Variants in QTMAN observed in about 807,000 individuals in gnomAD.
QTMAN encodes queuosine-tRNA mannosyltransferase.
chr2:144,122,753 T>C, the QTMAN span, among the ~76,000 whole-genome samples: 1 of 152,218 alleles, frequency 6.6e-6, no homozygotes, highest in Non-Finnish European at 1.5e-5. Context: ...CAGTGGTCCT[T>C]AACCTGGGAA....
chr2:144,300,504 T>C, the QTMAN span, among the ~76,000 whole-genome samples: 2 of 152,190 alleles, frequency 1.3e-5, no homozygotes, highest in African/African-American at 4.8e-5. Context: ...TCTAAGTGGT[T>C]TTAGAAGCAA....
At chr2:144,079,399 A>G in the QTMAN span, among the ~76,000 whole-genome samples, 1 of 152,174 alleles carries the variant, frequency 6.6e-6, no homozygotes, top group Non-Finnish European at 1.5e-5. Context: ...ATGTTAAACT[A>G]GATCATATGC....
At chr2:144,305,720 C>A in the QTMAN span, among the ~76,000 whole-genome samples, 1 of 152,152 alleles carries the variant, frequency 6.6e-6, no homozygotes, top group African/African-American at 2.4e-5. Context: ...TCATCTAGAT[C>A]CATGAACATG....
At chr2:144,281,513 G>A in the QTMAN span, among the ~76,000 whole-genome samples, 1 of 150,888 alleles carries the variant, frequency 6.6e-6, no homozygotes. Flanking sequence ...CTGAACTATA[G>A]TAGTGGTGTT....
At chr2:144,276,788 T>A in the QTMAN span, among the ~76,000 whole-genome samples, 2 of 152,180 alleles carry the variant, frequency 1.3e-5, no homozygotes, top group Non-Finnish European at 2.9e-5. Flanking sequence ...CATGGCCTAA[T>A]ACCTCCCATC....
At chr2:144,037,139 T>C in the QTMAN span, among the ~76,000 whole-genome samples, 1 of 152,184 alleles carries the variant, frequency 6.6e-6, no homozygotes, top group Non-Finnish European at 1.5e-5. Context: ...ATTTAATAGG[T>C]AAGCAGTTTT....
At chr2:143,969,551 G>A in the QTMAN span, among the ~76,000 whole-genome samples, 1 of 152,112 alleles carries the variant, frequency 6.6e-6, no homozygotes, top group Non-Finnish European at 1.5e-5. Flanking sequence ...GTGCTTGTGT[G>A]CATACGCGTG....
At chr2:144,328,633 T>C in the QTMAN span, among the ~76,000 whole-genome samples, 2 of 152,156 alleles carry the variant, frequency 1.3e-5, no homozygotes, top group Non-Finnish European at 2.9e-5. Flanking sequence ...AAGAAACTGA[T>C]CTGGCAGTGA....
At chr2:144,121,798 A>G in the QTMAN span, among the ~76,000 whole-genome samples, 1 of 152,144 alleles carries the variant, frequency 6.6e-6, no homozygotes, top group South Asian at 2.1e-4. Context: ...GTTTTCAAAT[A>G]CCCATGCCAA....
chr2:144,079,203 G>A, the QTMAN span, among the ~76,000 whole-genome samples: 1 of 152,100 alleles, frequency 6.6e-6, no homozygotes, highest in Non-Finnish European at 1.5e-5. Context: ...TATTTGGCAA[G>A]CACATAGTGC....
At chr2:144,289,220 C>T in the QTMAN span, among the ~76,000 whole-genome samples, 275 of 152,006 alleles carry the variant, frequency 1.8e-3, 1 homozygote, top group African/African-American at 6.2e-3. Context: ...TTAATAGAGA[C>T]GGGGTTTCAC....
At chr2:144,203,265 G>A in the QTMAN span, among the ~76,000 whole-genome samples, 2 of 152,156 alleles carry the variant, frequency 1.3e-5, no homozygotes, top group Admixed American at 6.5e-5. Context: ...GACAGAAAGA[G>A]GCAGGGACTG....
At chr2:144,142,157 C>T in the QTMAN span, 1 of 721,420 alleles carries the variant, frequency 1.4e-6, no homozygotes, top group Non-Finnish European at 2.2e-6. Context: ...TTATACTACA[C>T]CTTAGGTTTG....
chr2:144,288,629 A>G, the QTMAN span, among the ~76,000 whole-genome samples: 1 of 152,226 alleles, frequency 6.6e-6, no homozygotes, highest in Non-Finnish European at 1.5e-5. Context: ...TTCCTACTAC[A>G]GAGAAATGTT....
chr2:144,244,091 C>G, the QTMAN span, among the ~76,000 whole-genome samples: 3 of 152,190 alleles, frequency 2.0e-5, no homozygotes, highest in Non-Finnish European at 2.9e-5. Flanking sequence ...TCAAAGGTTT[C>G]TCTTTATTTC....
chr2:144,130,322 C>T, the QTMAN span, among the ~76,000 whole-genome samples: 4 of 151,984 alleles, frequency 2.6e-5, no homozygotes, highest in South Asian at 8.3e-4. Context: ...TAGAAAAGTA[C>T]TTGGATCTAA....
chr2:144,320,607 C>T, the QTMAN span, among the ~76,000 whole-genome samples: 1 of 152,164 alleles, frequency 6.6e-6, no homozygotes, highest in South Asian at 2.1e-4. Context: ...TGCTCCATGT[C>T]CCCAAACTCT....
the QTMAN span, among the ~76,000 whole-genome samples, chr2:144,203,190 T>C: frequency 1.2e-3 from 169 of 140,944 alleles, no homozygotes; most frequent in Middle Eastern, 0.011. Context: ...TGTGTGTGTG[T>C]GCACGTGCGC....
the QTMAN span, among the ~76,000 whole-genome samples, chr2:144,218,914 C>CT: frequency 4.4e-5 from 3 of 68,138 alleles, no homozygotes; most frequent in Admixed American, 3.7e-4. Flanking sequence ...GGGAAAGTAT[C>CT]TAAAAAAAAA....
Sources: allele counts gnomAD v4.1 joint callset (sites outside exome capture counted in the v4.1 genomes callset), GRCh38; gene constraint gnomAD v4.1.1; transcripts MANE v1.5; gene names NCBI Gene and HGNC (gene_info 2026-07-23, HGNC 2026-07-21).